Variants in NAALADL2 observed in about 807,000 individuals in gnomAD.
The protein encoded by NAALADL2 is inactive N-acetylated-alpha-linked acidic dipeptidase-like protein 2.
A neutral mutation model predicts 87.2 loss-of-function variants in NAALADL2; 76 were observed. The observed-to-expected ratio is 0.87, with a 90% confidence interval of 0.72 to 1.05. NAALADL2 has a LOEUF of 1.05. Among genes scored for constraint, NAALADL2 ranks in the 50% least tolerant of loss-of-function variants. The pLI is 0.00. For missense variants in NAALADL2, 1,089 were observed against 945.8 expected, an observed-to-expected ratio of 1.15 and a Z score of -1.99; for synonymous variants, 354 against 331.0, an observed-to-expected ratio of 1.07 and a Z score of -0.75.
chr3:174,834,844 A>G (rs1723148705), intron 3 of NAALADL2, among the ~76,000 whole-genome samples: 1 of 151,884 alleles, frequency 6.6e-6, no homozygotes, highest in African/African-American at 2.4e-5. Context: ...AATATTTTGA[A>G]GTTATTAATT....
chr3:174,545,138 T>C (rs998954837), intron 1 of NAALADL2, among the ~76,000 whole-genome samples: 5 of 152,040 alleles, frequency 3.3e-5, no homozygotes, highest in African/African-American at 1.2e-4. Flanking sequence ...CTTGGCCTCC[T>C]AAATGTTGGG....
chr3:174,759,962 G>A (rs1031430521), intron 3 of NAALADL2, among the ~76,000 whole-genome samples: 1 of 152,142 alleles, frequency 6.6e-6, no homozygotes, highest in South Asian at 2.1e-4. Flanking sequence ...GCCTCCCAAA[G>A]TGCTGGGATT....
chr3:175,089,180 G>T lies in NAALADL2; in HGVS notation c.44-7610G>T, dbSNP rs150023101. Among the ~76,000 whole-genome samples, 457 of 152,210 alleles carry T rather than the reference G, an allele frequency of 3.0e-3. 1 individual carries two copies. The highest frequency in any genetic ancestry group is 0.011 in the African/African-American group (437 of 41,556). On this transcript the variant is annotated intron_variant, in intron 1 of 13. Transcript: ENST00000454872. ...GAGTGCTGTGGAGGGAAAATAAAAA[G>T]ATCTGTCAGGTCCTGAATATAGTCA... is the stretch of plus-strand genomic sequence containing the variant.
At chr3:175,413,762 A>T (rs1308891524) in intron 5 of NAALADL2, among the ~76,000 whole-genome samples, 1 of 152,030 alleles carries the variant, frequency 6.6e-6, no homozygotes, top group Non-Finnish European at 1.5e-5. Flanking sequence ...TTTTAAATCG[A>T]TTTAAAACAT....
chr3:174,459,715 GAAATGGGATTCAACTGAAGCTTTACA>G (rs1319729889), intron 1 of NAALADL2: 1 of 152,160 alleles, frequency 6.6e-6, no homozygotes, highest in African/African-American at 2.4e-5. Context: ...TGCAGTCTTT[GAAATGGGATTCAACTGAAGCTTTACA>G]AAGTAGTATT....
chr3:175,670,945 G>A (rs1049397754), intron 11 of NAALADL2, among the ~76,000 whole-genome samples: 2 of 151,074 alleles, frequency 1.3e-5, no homozygotes, highest in African/African-American at 2.4e-5. Context: ...TAGTACATAC[G>A]TAAATTACCT....
intron 1 of NAALADL2, among the ~76,000 whole-genome samples, chr3:174,887,861 A>G (rs1730369639): frequency 6.6e-6 from 1 of 151,848 alleles, no homozygotes; most frequent in South Asian, 2.1e-4. Context: ...GATGAAAAAT[A>G]CATATAATAT....
rs555011398 is a variant in NAALADL2, at chr3:174,497,569, A to G, written c.-183-53000A>G. On this transcript the variant is annotated intron_variant, in intron 1 of 3. Transcript: ENST00000434257. ...TTCCTCCATGGTCATGTTATGCCTG[A>G]AAACACTTCTACGTTTATCTATTAT... 1.1e-4 allele frequency among the ~76,000 whole-genome samples: 16 copies of G among 152,318 alleles called. No homozygotes were observed. In the South Asian group the frequency reaches 2.5e-3, roughly 24 times the overall value.
intron 9 of NAALADL2, among the ~76,000 whole-genome samples, chr3:175,534,827 T>C (rs1734585400): frequency 6.6e-6 from 1 of 152,114 alleles, no homozygotes; most frequent in Non-Finnish European, 1.5e-5. Flanking sequence ...GTCAGGTTTG[T>C]TCCCAAACTG....
chr3:175,008,714 C>A (rs1749376935), intron 1 of NAALADL2, among the ~76,000 whole-genome samples: 1 of 117,518 alleles, frequency 8.5e-6, no homozygotes, highest in South Asian at 2.7e-4. Flanking sequence ...GGTAATATAC[C>A]CTACAACGTT....
At chr3:175,367,951 C>G (rs1334763710) in intron 5 of NAALADL2, among the ~76,000 whole-genome samples, 2 of 152,130 alleles carry the variant, frequency 1.3e-5, no homozygotes, top group Non-Finnish European at 2.9e-5. Flanking sequence ...AAAGGGAATG[C>G]TTCCAGTTTT....
At chr3:175,485,379 G>A (rs1218780452) in intron 9 of NAALADL2, among the ~76,000 whole-genome samples, 1 of 152,074 alleles carries the variant, frequency 6.6e-6, no homozygotes, top group Non-Finnish European at 1.5e-5. Context: ...GTTTATTAAG[G>A]AGAATTCACT....
At chr3:174,833,209 G>C (rs1722934602) in intron 3 of NAALADL2, among the ~76,000 whole-genome samples, 1 of 152,058 alleles carries the variant, frequency 6.6e-6, no homozygotes, top group Admixed American at 6.6e-5. Flanking sequence ...AGATAACTTT[G>C]GTTAATAAAA....
intron 9 of NAALADL2, among the ~76,000 whole-genome samples, chr3:175,484,751 C>A (rs1727002550): frequency 6.6e-6 from 1 of 152,112 alleles, no homozygotes; most frequent in African/African-American, 2.4e-5. Context: ...TAGCAAATTA[C>A]ATTGGTTAAA....
chr3:175,737,139 A>C (rs912524411), intron 11 of NAALADL2, among the ~76,000 whole-genome samples, 167 bp from the exon 12 acceptor site: 1 of 152,204 alleles, frequency 6.6e-6, no homozygotes, highest in African/African-American at 2.4e-5. Flanking sequence ...ATAGAAAGAT[A>C]AAATTAAATA....
intron 11 of NAALADL2, among the ~76,000 whole-genome samples, chr3:175,692,429 C>T (rs1432509957): frequency 6.6e-6 from 1 of 152,040 alleles, no homozygotes; most frequent in South Asian, 2.1e-4. Context: ...TTCATTCTAG[C>T]CCTCACCCAT....
At chr3:175,056,299 C>T (rs1203171892) in intron 1 of NAALADL2, among the ~76,000 whole-genome samples, 1 of 152,110 alleles carries the variant, frequency 6.6e-6, no homozygotes, top group Non-Finnish European at 1.5e-5. Flanking sequence ...TCCTTCTTAT[C>T]ATTAGTGTGA....
At chr3:175,013,042 T>C (rs1256296118) in intron 1 of NAALADL2, among the ~76,000 whole-genome samples, 2 of 57,762 alleles carry the variant, frequency 3.5e-5, no homozygotes, top group African/African-American at 9.0e-5. Flanking sequence ...AAATATATAA[T>C]ATATACATAA....
intron 2 of NAALADL2, among the ~76,000 whole-genome samples, chr3:175,141,247 A>G (rs868068556): frequency 4.4e-4 from 67 of 152,160 alleles, no homozygotes; most frequent in African/African-American, 1.6e-3. Context: ...AACCCATGCT[A>G]CAAAATGTGT....
Sources: allele counts gnomAD v4.1 joint callset (sites outside exome capture counted in the v4.1 genomes callset), GRCh38; gene constraint gnomAD v4.1.1; transcripts MANE v1.5; gene names NCBI Gene and HGNC (gene_info 2026-07-23, HGNC 2026-07-21).